The following NAV3 variants were observed in gnomAD, a reference collection of about 807,000 sequenced individuals.
NAV3 encodes the protein neuron navigator 3, also known as pore membrane and/or filament interacting like protein 1.
NAV3 carries 87 observed loss-of-function variants against 244.7 expected under a neutral mutation model. That is an observed-to-expected ratio of 0.36 (90% CI 0.30 to 0.42). The LOEUF (loss-of-function observed/expected upper bound fraction) is 0.42, where lower values mean the gene tolerates loss of function less well. Ranked by LOEUF, NAV3 falls within the 20% of genes least tolerant of loss-of-function variation. NAV3 has a pLI of 1.00. For synonymous variants in NAV3, 1,126 were observed against 1,042.2 expected, an observed-to-expected ratio of 1.08 and a Z score of -1.55; for missense variants, 2,663 against 2,893.3, an observed-to-expected ratio of 0.92 and a Z score of 1.83.
rs538000011 is a variant in NAV3, at chr12:77,700,769, T to C, written c.72+128503T>C. 7.6e-4 allele frequency among the ~76,000 whole-genome samples: 116 copies of C among 152,088 alleles called. 1 individual carries two copies. Among genetic ancestry groups the C allele is most frequent in the African/African-American group, 2.7e-3 (111 of 41,554 alleles). Reference sequence around the variant, plus strand: ...TTTTATTATTTATTATGAATGGGTATTTAATTGTGTCACATGCCTTCATAT... The same window carrying C: ...TTTTATTATTTATTATGAATGGGTACTTAATTGTGTCACATGCCTTCATAT... On this transcript the variant is annotated intron_variant, in intron 2 of 8. Transcript: ENST00000550042.
chr12:77,790,063 C>G (rs1871115903), intron 2 of NAV3, among the ~76,000 whole-genome samples: 1 of 152,088 alleles, frequency 6.6e-6, no homozygotes, highest in African/African-American at 2.4e-5. Context: ...AGATTCCACC[C>G]CTGTGAAACT....
chr12:78,106,601 A>G (rs1269720874), intron 12 of NAV3, among the ~76,000 whole-genome samples: 1 of 152,214 alleles, frequency 6.6e-6, no homozygotes, highest in Non-Finnish European at 1.5e-5. Context: ...AGTCACTGCC[A>G]ACACCAGCAT....
intron 2 of NAV3, among the ~76,000 whole-genome samples, chr12:77,742,303 T>A (rs905001516): frequency 6.6e-6 from 1 of 152,116 alleles, no homozygotes; most frequent in African/African-American, 2.4e-5. Flanking sequence ...CAGTCCTTCC[T>A]CACTGAATTC....
At chr12:77,817,112 C>A (rs1417351677) in intron 2 of NAV3, among the ~76,000 whole-genome samples, 1 of 152,094 alleles carries the variant, frequency 6.6e-6, no homozygotes, top group Non-Finnish European at 1.5e-5. Context: ...ATCTGTTGAC[C>A]TTTAATCCTT....
At chr12:77,691,600 A>G (rs1875035743) in intron 2 of NAV3, among the ~76,000 whole-genome samples, 1 of 151,432 alleles carries the variant, frequency 6.6e-6, no homozygotes, top group Non-Finnish European at 1.5e-5. Context: ...CTTGATATGA[A>G]TGACCAGACA....
At chr12:77,787,366 G>T (rs569216239) in intron 2 of NAV3, among the ~76,000 whole-genome samples, 1 of 152,044 alleles carries the variant, frequency 6.6e-6, no homozygotes, top group African/African-American at 2.4e-5. Flanking sequence ...TTCTCATGCC[G>T]CTAATAAAGA....
chr12:77,910,168 A>G (rs1205401723), intron 1 of NAV3, among the ~76,000 whole-genome samples: 1 of 152,002 alleles, frequency 6.6e-6, no homozygotes, highest in Non-Finnish European at 1.5e-5. Flanking sequence ...TAAAGAAAAG[A>G]GGTTTATTTT....
At chr12:77,688,081 G>A (rs1874840043) in intron 2 of NAV3, among the ~76,000 whole-genome samples, 1 of 151,946 alleles carries the variant, frequency 6.6e-6, no homozygotes. Context: ...AATAGTGTAA[G>A]TACAAGCTCA....
intron 2 of NAV3, among the ~76,000 whole-genome samples, chr12:77,679,475 G>A (rs887949966): frequency 2.6e-5 from 4 of 152,036 alleles, no homozygotes; most frequent in African/African-American, 4.8e-5. Flanking sequence ...TCGTCATGTT[G>A]AGTTTGCTTC....
chr12:77,655,502 G>A (rs1230272547), intron 2 of NAV3, among the ~76,000 whole-genome samples: 4 of 152,154 alleles, frequency 2.6e-5, no homozygotes, highest in Non-Finnish European at 4.4e-5. Flanking sequence ...AAAGTGACGG[G>A]GAGAATGGAA....
At chr12:78,127,463 T>TAAACAAACAAACAAACAAAACAA (rs1565691718) in intron 17 of NAV3, among the ~76,000 whole-genome samples, 3 of 152,098 alleles carry the variant, frequency 2.0e-5, no homozygotes, top group Non-Finnish European at 2.9e-5. Flanking sequence ...GAAATAATAC[T>TAAACAAACAAACAAACAAAACAA]AAACAAACAA....
At chr12:77,793,758 A>G (rs1414295542) in intron 2 of NAV3, among the ~76,000 whole-genome samples, 1 of 152,162 alleles carries the variant, frequency 6.6e-6, no homozygotes, top group African/African-American at 2.4e-5. Flanking sequence ...AGTATTTGCT[A>G]TTGTGAATAG....
upstream of NAV3, among the ~76,000 whole-genome samples, chr12:77,826,791 C>T (rs776212298): frequency 1.3e-4 from 20 of 152,272 alleles, no homozygotes; most frequent in South Asian, 4.1e-4. Flanking sequence ...ACATTATCTA[C>T]GGTAGGCATG....
intron 2 of NAV3, among the ~76,000 whole-genome samples, chr12:77,743,545 G>A (rs1237141221): frequency 2.0e-5 from 3 of 151,772 alleles, no homozygotes. Context: ...ACTAGAAAGA[G>A]CATAAATGAA....
At chr12:78,075,477 G>A (rs1952999541) in intron 12 of NAV3, among the ~76,000 whole-genome samples, 1 of 152,162 alleles carries the variant, frequency 6.6e-6, no homozygotes. Flanking sequence ...GAATTTGGAT[G>A]TGGCTGAATA....
chr12:77,798,086 G>A (rs531653429), intron 2 of NAV3, among the ~76,000 whole-genome samples: 6 of 151,334 alleles, frequency 4.0e-5, no homozygotes, highest in Non-Finnish European at 7.4e-5. Flanking sequence ...TGCTTGAACC[G>A]GGGATGTGGA....
chr12:77,604,038 G>C (rs1870560413), intron 2 of NAV3, among the ~76,000 whole-genome samples: 1 of 152,056 alleles, frequency 6.6e-6, no homozygotes, highest in Admixed American at 6.6e-5. Context: ...TCAGAAAGCT[G>C]ATGTATCAAC....
intron 23 of NAV3, among the ~76,000 whole-genome samples, chr12:78,166,239 T>C (rs1045553106): frequency 6.6e-6 from 1 of 151,826 alleles, no homozygotes; most frequent in Non-Finnish European, 1.5e-5. Flanking sequence ...AGGAAGGATG[T>C]TTAAATAAAG....
At chr12:77,871,600 C>T (rs974121702) in intron 1 of NAV3, among the ~76,000 whole-genome samples, 1 of 152,156 alleles carries the variant, frequency 6.6e-6, no homozygotes, top group Non-Finnish European at 1.5e-5. Flanking sequence ...ATCTATGTCC[C>T]TGCAAAGGAC....
Sources: gnomAD v4.1 joint callset for allele counts (sites outside exome capture counted in the v4.1 genomes callset) on GRCh38, gnomAD v4.1.1 for gene constraint, MANE v1.5 for transcripts, NCBI Gene and HGNC (gene_info 2026-07-23, HGNC 2026-07-21) for gene names.